GALNT2: variants seen among roughly 807,000 people sequenced by gnomAD.
GALNT2 encodes the protein polypeptide N-acetylgalactosaminyltransferase 2.
In GALNT2, 31 loss-of-function variants were observed where a neutral mutation model predicts 81.4. That is an observed-to-expected ratio of 0.38 (90% confidence interval 0.29 to 0.51). The LOEUF is 0.51. GALNT2 is among the 20% of genes least tolerant of loss of function. The pLI, the probability that GALNT2 is intolerant of heterozygous loss-of-function variation, is 0.87. For synonymous variants in GALNT2, 303 were observed against 287.4 expected, an observed-to-expected ratio of 1.05 and a Z score of -0.55; for missense variants, 629 against 765.7, an observed-to-expected ratio of 0.82 and a Z score of 2.11.
chr1:230,174,264 G>A (rs979533645), intron 1 of GALNT2, among the ~76,000 whole-genome samples: 1 of 152,108 alleles, frequency 6.6e-6, no homozygotes, highest in Admixed American at 6.5e-5. Flanking sequence ...CGTGTCATGC[G>A]GGGTCTCCTC....
chr1:230,154,235 A>G (rs983606716), intron 1 of GALNT2, among the ~76,000 whole-genome samples: 3 of 152,252 alleles, frequency 2.0e-5, no homozygotes, highest in African/African-American at 7.2e-5. Flanking sequence ...CAGTGGAGAC[A>G]TAGGCCCTTC....
At chr1:230,258,285 A>C (rs1383958264) in intron 11 of GALNT2, among the ~76,000 whole-genome samples, 1 of 150,802 alleles carries the variant, frequency 6.6e-6, no homozygotes, top group Non-Finnish European at 1.5e-5. Flanking sequence ...ACTGGAGTGC[A>C]ATGGCGTGAT....
intron 1 of GALNT2, among the ~76,000 whole-genome samples, chr1:230,177,708 C>A (rs987875969): frequency 6.6e-6 from 1 of 152,148 alleles, no homozygotes; most frequent in Non-Finnish European, 1.5e-5. Flanking sequence ...GGCCCTACCC[C>A]CTGCTCCTGT....
intron 1 of GALNT2, among the ~76,000 whole-genome samples, chr1:230,093,738 G>A (rs1278392920): frequency 1.3e-5 from 2 of 152,188 alleles, no homozygotes; most frequent in Non-Finnish European, 2.9e-5. Context: ...TCTGTGTTTA[G>A]ATACACAAAT....
intron 1 of GALNT2, among the ~76,000 whole-genome samples, chr1:230,061,228 G>A (rs1446137826): frequency 6.7e-6 from 1 of 149,738 alleles, no homozygotes. Context: ...GTGTGTGTCT[G>A]TATGAAATAA....
chr1:230,232,265 AAAATGGGATCCCTCTT>A (rs1395353640), intron 3 of GALNT2, among the ~76,000 whole-genome samples: 3 of 152,198 alleles, frequency 2.0e-5, no homozygotes, highest in Non-Finnish European at 2.9e-5. Flanking sequence ...TTTGCCTTAA[AAAATGGGATCCCTCTT>A]AAGTTTCCTG....
intron 15 of GALNT2, among the ~76,000 whole-genome samples, chr1:230,276,359 T>G (rs999156225): frequency 1.2e-4 from 19 of 152,232 alleles, no homozygotes; most frequent in African/African-American, 3.6e-4. Context: ...ATGCCCATAC[T>G]TGGAGTGCCT....
At chr1:230,218,652 T>C (rs1664459360) in intron 3 of GALNT2, among the ~76,000 whole-genome samples, 1 of 152,188 alleles carries the variant, frequency 6.6e-6, no homozygotes, top group Non-Finnish European at 1.5e-5. Flanking sequence ...AATCTGGAAT[T>C]CAGGAGGCAA....
At chr1:230,134,377 G>A (rs1661470327) in intron 1 of GALNT2, among the ~76,000 whole-genome samples, 1 of 152,170 alleles carries the variant, frequency 6.6e-6, no homozygotes, top group African/African-American at 2.4e-5. Flanking sequence ...AAAGTGCTGG[G>A]ATTACAGGTG....
intron 3 of GALNT2, among the ~76,000 whole-genome samples, chr1:230,207,820 A>G (rs575732425): frequency 8.5e-5 from 13 of 152,270 alleles, no homozygotes; most frequent in East Asian, 5.8e-4. Flanking sequence ...GCCTCAAGCA[A>G]TTCTCCCGCC....
intron 1 of GALNT2, chr1:230,091,546 T>TTTCAAAAA (rs1660081996): frequency 6.6e-6 from 1 of 152,240 alleles, no homozygotes; most frequent in Admixed American, 6.5e-5. Flanking sequence ...GAGATTGATT[T>TTTCAAAAA]TTCAAAAATC....
chr1:230,135,701 C>G (rs560916770), intron 1 of GALNT2, among the ~76,000 whole-genome samples: 2 of 152,166 alleles, frequency 1.3e-5, no homozygotes, highest in Admixed American at 1.3e-4. Context: ...AATGCTCTTT[C>G]CCTTTCCCTT....
intron 1 of GALNT2, among the ~76,000 whole-genome samples, chr1:230,115,750 C>T (rs1393055451): frequency 1.3e-5 from 2 of 152,154 alleles, no homozygotes; most frequent in East Asian, 3.8e-4. Flanking sequence ...TAGCATTTTG[C>T]CCACAGTAGG....
At chr1:230,089,778 A>C (rs1488906406) in intron 1 of GALNT2, among the ~76,000 whole-genome samples, 1 of 152,226 alleles carries the variant, frequency 6.6e-6, no homozygotes, top group African/African-American at 2.4e-5. Flanking sequence ...AGTTCATTCT[A>C]TGGACATACA....
chr1:230,086,578 T>G (rs569098196), intron 1 of GALNT2, among the ~76,000 whole-genome samples: 55 of 152,148 alleles, frequency 3.6e-4, no homozygotes, highest in African/African-American at 1.3e-3. Flanking sequence ...AGTGAGCAGT[T>G]TTTTTTTCCC....
At chr1:230,235,498 G>A (rs1177594289) in intron 3 of GALNT2, among the ~76,000 whole-genome samples, 1 of 152,152 alleles carries the variant, frequency 6.6e-6, no homozygotes, top group Non-Finnish European at 1.5e-5. Flanking sequence ...CCAGGGCAAG[G>A]GACATGCATC....
At chr1:230,166,459 T>A (rs1338732956) in intron 1 of GALNT2, among the ~76,000 whole-genome samples, 1 of 152,220 alleles carries the variant, frequency 6.6e-6, no homozygotes. Context: ...GTCATATCAT[T>A]TTACCAACTT....
chr1:230,224,466 C>CAAT (rs1395993305), intron 3 of GALNT2, among the ~76,000 whole-genome samples: 1 of 152,230 alleles, frequency 6.6e-6, no homozygotes, highest in African/African-American at 2.4e-5. Context: ...TCTCAACTTT[C>CAAT]AATAGCTCTT....
chr1:230,262,403 T>C (rs1325221423), intron 11 of GALNT2, 170 bp from the exon 12 acceptor site: 4 of 597,266 alleles, frequency 6.7e-6, no homozygotes, highest in African/African-American at 5.6e-5. Flanking sequence ...CAGGTCCAGC[T>C]CGAGGTGCTG....
Sources: allele counts gnomAD v4.1 joint callset (sites outside exome capture counted in the v4.1 genomes callset), GRCh38; gene constraint gnomAD v4.1.1; transcripts MANE v1.5; gene names NCBI Gene and HGNC (gene_info 2026-07-23, HGNC 2026-07-21).